Variants in UNC13B observed in about 807,000 individuals in gnomAD.
The protein encoded by UNC13B is protein unc-13 homolog B.
UNC13B carries 144 observed loss-of-function variants against 211.0 expected under a neutral mutation model. The observed-to-expected ratio is 0.68, with a 90% CI of 0.60 to 0.78. The LOEUF is 0.78. UNC13B is among the 30% of genes least tolerant of loss of function. The pLI is 0.00. For synonymous variants in UNC13B, 709 were observed against 725.8 expected (o/e 0.98, Z 0.37); for missense variants, 1,777 against 2,002.0 (o/e 0.89, Z 2.14).
At chr9:35,396,623 T>C (rs1490167919) in intron 27 of UNC13B, 21 bp downstream of exon 27, 2 of 1,613,448 alleles carry the variant, frequency 1.2e-6, no homozygotes, top group African/African-American at 2.7e-5. Flanking sequence ...ATGTGGGCAC[T>C]ACAGAGGGAA....
chr9:35,196,031 CTT>C (rs1023185978), intron 1 of UNC13B, among the ~76,000 whole-genome samples: 20 of 151,898 alleles, frequency 1.3e-4, no homozygotes, highest in African/African-American at 4.8e-4. Flanking sequence ...CTATTCCTAT[CTT>C]TTGTTTTTTC....
At chr9:35,252,423 G>A (rs886899682) in intron 6 of UNC13B, among the ~76,000 whole-genome samples, 3 of 151,972 alleles carry the variant, frequency 2.0e-5, no homozygotes, top group Admixed American at 2.0e-4. Context: ...GAGTTCCTCA[G>A]CCTCCTGAGT....
rs374962956 is a variant in UNC13B, at chr9:35,396,556, G to T, written c.11389G>T (p.Val3797Leu). The T allele has an allele frequency of 1.9e-5, 31 of 1,614,092 alleles. No homozygotes were observed. In the South Asian group the frequency reaches 3.1e-4, roughly 16 times the overall value. The change falls in exon 27 of 40, where the codon GTG becomes TTG. Residue 3797 changes from valine to leucine, a missense_variant. By Grantham distance (32) the Val-to-Leu change is conservative (BLOSUM62 1). Coordinates refer to ENST00000635942, the MANE Select transcript of UNC13B (RefSeq NM_001371189.2). ...GGTGAAGTGGCTCCACAATGAATAC[G>T]TGCGGGATCTGCCTGTCCTCCAGGG... ...FKVKWLHNEYVRDLPVLQGQV... is the reference protein window; with the variant it reads ...FKVKWLHNEYLRDLPVLQGQV...
At chr9:35,398,101 T>C (rs1836008473) in intron 30 of UNC13B, 110 bp from the exon 31 acceptor site, 1 of 915,014 alleles carries the variant, frequency 1.1e-6, no homozygotes, top group Admixed American at 2.5e-5. Flanking sequence ...GGGAGAAACC[T>C]ATGTCATATG....
chr9:35,176,357 G>C (rs1018216252), intron 1 of UNC13B, among the ~76,000 whole-genome samples: 2 of 152,002 alleles, frequency 1.3e-5, no homozygotes, highest in Non-Finnish European at 2.9e-5. Flanking sequence ...AGACCAGCCT[G>C]GCCAACATGA....
At chr9:35,356,436 A>T (rs1365053815) in intron 11 of UNC13B, among the ~76,000 whole-genome samples, 3 of 152,024 alleles carry the variant, frequency 2.0e-5, no homozygotes, top group African/African-American at 2.4e-5. Flanking sequence ...CATTGTATAA[A>T]ATTCAATTCT....
At chr9:35,261,747 C>A (rs1930357) in intron 7 of UNC13B, among the ~76,000 whole-genome samples, 1 of 151,816 alleles carries the variant, frequency 6.6e-6, no homozygotes, top group Admixed American at 6.6e-5. Context: ...ACGCATTAAC[C>A]GTCCCTAATC....
intron 21 of UNC13B, among the ~76,000 whole-genome samples, chr9:35,382,751 TG>T (rs1367256797): frequency 1.3e-5 from 2 of 151,822 alleles, no homozygotes; most frequent in African/African-American, 4.8e-5. Flanking sequence ...TTAGTAGAGA[TG>T]GGGGTTTTGC....
chr9:35,236,727 G>C, intron 4 of UNC13B, 141 bp downstream of exon 4: 2 of 762,082 alleles, frequency 2.6e-6, no homozygotes, highest in South Asian at 1.7e-5. Flanking sequence ...CAACCTGCCT[G>C]TTCCTAACTT....
At chr9:35,181,482 A>G (rs747676681) in intron 1 of UNC13B, among the ~76,000 whole-genome samples, 3 of 152,184 alleles carry the variant, frequency 2.0e-5, no homozygotes, top group Non-Finnish European at 2.9e-5. Context: ...ATTAGTACCT[A>G]TACGGTACTA....
intron 16 of UNC13B, 112 bp from the exon 17 acceptor site, chr9:35,378,182 AT>A: frequency 1.4e-6 from 2 of 1,396,816 alleles, no homozygotes; most frequent in Admixed American, 4.8e-5. Context: ...GAGGAATGGG[AT>A]TACGGTATCT....
At position 35,185,575 on chromosome 9, in the gene UNC13B, TC is replaced by T. The variant is rs1364249085; in HGVS notation, c.22+23271del. On this transcript the variant is annotated intron_variant, in intron 1 of 39. Transcript: ENST00000635942. ...CACTCTGGGCTCTTGCTACAGCTTT[TC>T]TCAAATCCCGCTAGTTTGCAGCTGT... 6.6e-5 allele frequency among the ~76,000 whole-genome samples: 10 copies of T among 152,262 alleles called. No individual in the cohort carries two copies. The East Asian group carries it at 1.5e-3, about 23-fold the overall frequency.
In UNC13B at chr9:35,286,964, G is replaced by A. The variant is rs967801274; in HGVS notation, c.527-8732G>A. 9.9e-5 allele frequency among the ~76,000 whole-genome samples: 15 copies of A among 151,990 alleles called. No homozygotes were observed. The South Asian group carries it at 1.0e-3, about 11-fold the overall frequency. On this transcript the variant is annotated intron_variant, in intron 7 of 39. Coordinates refer to ENST00000635942, the MANE Select transcript of UNC13B (RefSeq NM_001371189.2). ...CGGGTAAACATAAGTAAAATGTTTC[G>A]TTGAATTCTGTGAGTTGTCCTGCCT...
intron 7 of UNC13B, among the ~76,000 whole-genome samples, chr9:35,282,633 C>T (rs1188364285): frequency 1.3e-5 from 2 of 152,086 alleles, no homozygotes; most frequent in Non-Finnish European, 2.9e-5. Context: ...TGGGATTTCA[C>T]CATGTTGGCC....
intron 6 of UNC13B, among the ~76,000 whole-genome samples, chr9:35,257,353 AT>A (rs1826959435): frequency 1.4e-4 from 1 of 6,964 alleles, no homozygotes; most frequent in African/African-American, 3.4e-4. Flanking sequence ...TTATAAAAAT[AT>A]TTATATAAAT....
chr9:35,378,798 G>A (rs191720728), intron 17 of UNC13B, among the ~76,000 whole-genome samples: 1 of 152,264 alleles, frequency 6.6e-6, no homozygotes, highest in Admixed American at 6.5e-5. Context: ...AGTAGGGTTA[G>A]GCTCTCATAA....
Position 35,308,107 on chromosome 9 carries a change from C to T in UNC13B, c.8703C>T (p.Pro2901=). ...AGCCAGGTAAAGTCTACACTCAGCC[C>T]TCTGGGACCTCTGAGCAGCTGGTGG... ...SAQPGKVYTQ[P]SGTSEQLVAS... is the part of the protein sequence containing the mutation. Residue 2901 remains proline, a synonymous_variant, in exon 9 of 40, where the codon CCC becomes CCT. Transcript: ENST00000635942. 1 of 399,080 alleles carries T rather than the reference C, an allele frequency of 2.5e-6. No homozygotes were observed. The highest frequency in any genetic ancestry group is 4.4e-6 in the Non-Finnish European group (1 of 226,124). 24.7% of individuals were successfully genotyped at this position (399,080 alleles called of 1,614,324 possible). A position where few individuals can be genotyped will look rare whatever the true frequency, so the allele number is the denominator to read the frequency against.
At position 35,403,232 on chromosome 9, in the gene UNC13B, A is replaced by G. The variant is rs770486701; in HGVS notation, c.12550A>G (p.Thr4184Ala). The G allele has an allele frequency of 2.4e-5, 39 of 1,614,000 alleles. No individual in the cohort carries two copies. Among genetic ancestry groups the G allele is most frequent in the Non-Finnish European group, 3.1e-5 (36 of 1,179,988 alleles). ...IQVDLFTHPG[T>A]GEHKVTVKVV... is the part of the protein sequence containing the mutation. ...GGTGGACTTGTTTACACACCCTGGT[A>G]CTGGGGAGCACAAGGTCACAGTGAA... Residue 4184 changes from threonine (T) to alanine (A), a missense_variant, in exon 38 of 40, where the codon ACT becomes GCT. Thr to Ala is a moderately conservative substitution (Grantham distance 58). Coordinates refer to ENST00000635942, the MANE Select transcript of UNC13B (RefSeq NM_001371189.2).
intron 11 of UNC13B, chr9:35,353,320 G>A (rs1587681898): frequency 1.6e-6 from 2 of 1,232,080 alleles, no homozygotes; most frequent in East Asian, 6.3e-5. Context: ...TGCAGGGTGT[G>A]TTTCAGAAGC....
Sources: gnomAD v4.1 joint callset for allele counts (sites outside exome capture counted in the v4.1 genomes callset) on GRCh38, gnomAD v4.1.1 for gene constraint, MANE v1.5 for transcripts, NCBI Gene and HGNC (gene_info 2026-07-23, HGNC 2026-07-21) for gene names.